Variants in KLF16 observed in about 807,000 individuals in gnomAD.
KLF16 encodes the protein Krueppel-like factor 16.
In KLF16, 6 loss-of-function variants were observed where a neutral mutation model predicts 6.1. That is an observed-to-expected ratio of 0.98 (90% CI 0.54 to 1.93). The LOEUF is 1.93. Among genes scored for constraint, KLF16 ranks in the 30% most tolerant of loss-of-function variants. The pLI is 0.01. For synonymous variants in KLF16, 211 were observed against 176.5 expected (o/e 1.20, Z -1.55); for missense variants, 355 against 363.8 (o/e 0.98, Z 0.20).
At chr19:1,867,809 G>C (rs1252899193), upstream of KLF16, among the ~76,000 whole-genome samples, 1 of 152,194 alleles carries the variant, frequency 6.6e-6, no homozygotes, top group Non-Finnish European at 1.5e-5. Context: ...GGAGGTTACA[G>C]TGAGCCAAGA....
chr19:1,863,763 C>G (rs2012128159), upstream of KLF16, among the ~76,000 whole-genome samples: 1 of 143,832 alleles, frequency 7.0e-6, no homozygotes, highest in Non-Finnish European at 1.5e-5. Flanking sequence ...CCGGCGCGCC[C>G]TCCACCACTC....
At chr19:1,859,029 C>T (rs2012009530) in intron 1 of KLF16, among the ~76,000 whole-genome samples, 1 of 152,142 alleles carries the variant, frequency 6.6e-6, no homozygotes, top group South Asian at 2.1e-4. Context: ...TCTCTGCACT[C>T]TGCAGGCTGG....
In KLF16 at chr19:1,853,373, G is replaced by A. The variant is rs2011875557; in HGVS notation, c.*1086C>T. The A allele has an allele frequency of 6.5e-6, 1 of 152,672 alleles. No individual in the cohort carries two copies. The highest frequency in any genetic ancestry group is 1.9e-4 in the East Asian group (1 of 5,190). 9.5% of individuals were successfully genotyped at this position (152,672 alleles called of 1,614,324 possible). ...TCCACGAGGCAAGACCTCAACCACG[G>A]GCCAGGACCCACCTCTTCCAAGCAC... On this transcript the variant is annotated 3_prime_UTR_variant, in exon 2 of 2. Transcript: ENST00000250916.
rs551718906 is a variant in KLF16 at position 1,857,128 on chromosome 19, C to T, written c.458-2368G>A. 2.0e-5 allele frequency among the ~76,000 whole-genome samples: 3 copies of T among 152,236 alleles called. No homozygotes were observed. The highest frequency in any genetic ancestry group is 1.9e-4 in the East Asian group (1 of 5,170). On this transcript the variant is annotated intron_variant, in intron 1 of 1. Transcript: ENST00000250916. This position sits in a 1 kb window ranked among gnomAD's most constrained non-coding sequence, Gnocchi z 4.7. ...GTCGCCTCTCCGGCCTGGGTGCCTG[C>T]CAGCCCCGCCCCGCGCTTGGAGACT...
chr19:1,856,136 CA>C (rs759389614), intron 1 of KLF16, among the ~76,000 whole-genome samples: 1 of 151,940 alleles, frequency 6.6e-6, no homozygotes, highest in Non-Finnish European at 1.5e-5. Flanking sequence ...TGCAGCCAGC[CA>C]GGGGCCTAGA....
chr19:1,873,584 C>T, the KLF16 span, among the ~76,000 whole-genome samples: 6 of 152,230 alleles, frequency 3.9e-5, no homozygotes, highest in Non-Finnish European at 8.8e-5. Context: ...GCGCCCTACC[C>T]GGGAGAACGC....
chr19:1,867,039 G>A (rs1050357174), upstream of KLF16, among the ~76,000 whole-genome samples: 4 of 152,206 alleles, frequency 2.6e-5, no homozygotes, highest in Admixed American at 6.5e-5. Flanking sequence ...CAAGCCTGAG[G>A]GCTATGGAGC....
the KLF16 span, among the ~76,000 whole-genome samples, chr19:1,873,681 G>A: frequency 2.0e-5 from 3 of 152,138 alleles, no homozygotes; most frequent in East Asian, 1.9e-4. Context: ...GCCTGGCCCC[G>A]GGCCATACCA....
chr19:1,856,956 G>C lies in KLF16; in HGVS notation c.458-2196C>G, dbSNP rs993568933. On this transcript the variant is annotated intron_variant, in intron 1 of 1. Coordinates refer to ENST00000250916, the MANE Select transcript of KLF16 (RefSeq NM_031918.4). ...GCAAGGAGGAGCAGGTTGCCGGGGT[G>C]GGGGGGGCGACCGGGGCAGGGGCGC... 4.9e-4 allele frequency among the ~76,000 whole-genome samples: 28 copies of C among 56,986 alleles called. 3 individuals carry two copies. The highest frequency in any genetic ancestry group is 1.2e-3 in the Non-Finnish European group (22 of 17,660). The allele number at this position is 56,986 out of a possible 152,430, so 37.4% of individuals were successfully genotyped here. A position where few individuals can be genotyped will look rare whatever the true frequency, so the allele number is the denominator to read the frequency against.
the KLF16 span, among the ~76,000 whole-genome samples, chr19:1,876,430 G>A: frequency 6.6e-6 from 1 of 152,214 alleles, no homozygotes; most frequent in African/African-American, 2.4e-5. Flanking sequence ...AGAGATCGTA[G>A]GAACTCTTCT....
At chr19:1,856,618 A>G (rs1254999906) in intron 1 of KLF16, among the ~76,000 whole-genome samples, 1 of 152,088 alleles carries the variant, frequency 6.6e-6, no homozygotes, top group Non-Finnish European at 1.5e-5. Context: ...TCTACAACCC[A>G]AGCAAGAGGC....
At chr19:1,867,142 A>G (rs1003885458), upstream of KLF16, among the ~76,000 whole-genome samples, 2 of 152,234 alleles carry the variant, frequency 1.3e-5, no homozygotes, top group Admixed American at 1.3e-4. Context: ...CAGAGGGGCC[A>G]CGGAGCCAGG....
chr19:1,875,508 C>G, the KLF16 span: 19 of 152,220 alleles, frequency 1.2e-4, no homozygotes, highest in African/African-American at 4.6e-4. Flanking sequence ...GAGGTTAGGA[C>G]TGGGAAAAAC....
chr19:1,873,908 G>C, the KLF16 span, among the ~76,000 whole-genome samples: 1 of 152,236 alleles, frequency 6.6e-6, no homozygotes, highest in African/African-American at 2.4e-5. Context: ...AAGGCGTCTG[G>C]GAGCCCTGCC....
In KLF16 at chr19:1,856,950, C is replaced by CGGGGGGGGG. The variant is rs946961126; in HGVS notation, c.458-2191_458-2190insCCCCCCCCC. Among the ~76,000 whole-genome samples, 3 of 43,262 alleles carry CGGGGGGGGG rather than the reference C, an allele frequency of 6.9e-5. 1 individual carries two copies. In the Admixed American group the frequency reaches 7.8e-4, roughly 11 times the overall value. The allele number at this position is 43,262 out of a possible 152,430, so 28.4% of individuals were successfully genotyped here. ...CACTTTGCAAGGAGGAGCAGGTTGC[C>CGGGGGGGGG]GGGGTGGGGGGGGCGACCGGGGCAG... On this transcript the variant is annotated intron_variant, in intron 1 of 1. Coordinates refer to ENST00000250916, the MANE Select transcript of KLF16 (RefSeq NM_031918.4).
chr19:1,863,870 G>A (rs1007553273), upstream of KLF16, among the ~76,000 whole-genome samples: 24 of 147,438 alleles, frequency 1.6e-4, no homozygotes, highest in African/African-American at 5.4e-4. Context: ...TAGCGTCTTA[G>A]GCCCGGAGCG....
chr19:1,865,670 C>G (rs570881202), upstream of KLF16, among the ~76,000 whole-genome samples: 2 of 152,196 alleles, frequency 1.3e-5, no homozygotes, highest in African/African-American at 2.4e-5. Context: ...GTGGCCTCAT[C>G]TGCAGGTCAT....
intron 1 of KLF16, among the ~76,000 whole-genome samples, chr19:1,855,864 G>T (rs770563351): frequency 1.3e-5 from 2 of 152,246 alleles, no homozygotes; most frequent in Non-Finnish European, 2.9e-5. Flanking sequence ...CTGGCATTCC[G>T]GGACGTTATT....
At chr19:1,873,548 G>A in the KLF16 span, among the ~76,000 whole-genome samples, 1 of 152,218 alleles carries the variant, frequency 6.6e-6, no homozygotes, top group Non-Finnish European at 1.5e-5. Flanking sequence ...AGGTGACACA[G>A]GGTGGACCAG....
Sources: gnomAD v4.1 joint callset for allele counts (sites outside exome capture counted in the v4.1 genomes callset) on GRCh38, gnomAD v4.1.1 for gene constraint, Gnocchi (gnomAD v3.1) non-coding constraint, MANE v1.5 for transcripts, NCBI Gene and HGNC (gene_info 2026-07-23, HGNC 2026-07-21) for gene names.